SLC26A11: variants seen among roughly 807,000 people sequenced by gnomAD.
SLC26A11 encodes the protein solute carrier family 26 member 11, also known as sodium-independent sulfate anion transporter.
A neutral mutation model predicts 62.2 loss-of-function variants in SLC26A11; 58 were observed. That is an observed-to-expected ratio of 0.93 (90% CI 0.76 to 1.16). SLC26A11 has a LOEUF of 1.16. Among genes scored for constraint, SLC26A11 ranks in the 50% most tolerant of loss-of-function variants. The pLI is 0.00. For missense variants in SLC26A11, 790 were observed against 794.3 expected (o/e 0.99, Z 0.06); for synonymous variants, 411 against 368.9 (o/e 1.11, Z -1.31).
chr17:80,241,770 G>A lies in SLC26A11; in HGVS notation c.986-1G>A. ...AGGTCTTTACCGTTGGTTCCCTTTA[G>A]CATCTCAGAATAATTACCGCATCGA... On this transcript the variant is annotated splice_acceptor_variant, in intron 9 of 17. Transcript: ENST00000361193. LOFTEE classifies it high-confidence loss of function. 6.2e-7 allele frequency: 1 copy of A among 1,614,160 alleles called. No homozygotes were observed. Among genetic ancestry groups the A allele is most frequent in the Non-Finnish European group, 8.5e-7 (1 of 1,180,008 alleles).
At chr17:80,233,801 A>G (rs1484819446) in intron 7 of SLC26A11, among the ~76,000 whole-genome samples, 5 of 72,270 alleles carry the variant, frequency 6.9e-5, no homozygotes, top group Non-Finnish European at 1.2e-4. Context: ...CTGGTCTCTT[A>G]CTCCTGGGCT....
In SLC26A11 at chr17:80,238,820, G is replaced by GTTTTTTTTTTTTTTT. The variant is rs1366044421; in HGVS notation, c.985+1232_985+1233insTTTTTTTTTTTTTTT. 9.2e-5 allele frequency among the ~76,000 whole-genome samples: 8 copies of GTTTTTTTTTTTTTTT among 87,390 alleles called. 2 individuals carry two copies. Among genetic ancestry groups the GTTTTTTTTTTTTTTT allele is most frequent in the African/African-American group, 2.6e-4 (6 of 23,044 alleles). 57.3% of individuals were successfully genotyped at this position (87,390 alleles called of 152,430 possible). A position where few individuals can be genotyped will look rare whatever the true frequency, so the allele number is the denominator to read the frequency against. On this transcript the variant is annotated intron_variant, in intron 9 of 17. Transcript: ENST00000361193. Reference sequence around the variant, plus strand: ...TACCCCCTTCAAAGGAGTTTTTTTTGTTTTTTGTTTTTTTTTTTTTTTGGA... The same window carrying GTTTTTTTTTTTTTTT: ...TACCCCCTTCAAAGGAGTTTTTTTTGTTTTTTTTTTTTTTTTTTTTTGTTTTTTTTTTTTTTTGGA...
chr17:80,223,582 A>G lies in SLC26A11; in HGVS notation c.513+245A>G, dbSNP rs1041721441. 3.9e-5 allele frequency among the ~76,000 whole-genome samples: 6 copies of G among 152,152 alleles called. No homozygotes were observed. Among genetic ancestry groups the G allele is most frequent in the Non-Finnish European group, 7.4e-5 (5 of 68,010 alleles). The stretch of plus-strand genomic sequence containing the variant: ...ACAGCGGGTAACTTGGGGGCCGGTA[A>G]TTCCATCCCCCTGCTCTTGCCCGAG... On this transcript the variant is annotated intron_variant, in intron 5 of 17. Coordinates refer to ENST00000361193, the MANE Select transcript of SLC26A11 (RefSeq NM_001166347.2). The surrounding 1 kb of genome is among the most constrained non-coding windows in gnomAD (Gnocchi z 4.6).
In SLC26A11 at chr17:80,223,946, C is replaced by A. The variant is rs2042294724; in HGVS notation, c.513+609C>A. Among the ~76,000 whole-genome samples, 1 of 152,190 alleles carries A rather than the reference C, an allele frequency of 6.6e-6. No individual in the cohort carries two copies. Among genetic ancestry groups the A allele is most frequent in the Admixed American group, 6.5e-5 (1 of 15,268 alleles). ...CCTTCTCCCAGCCATGGCCGCCCAG[C>A]ATTGGGCTGGTGCAGTAGGGGGGTG... On this transcript the variant is annotated intron_variant, in intron 5 of 17. Transcript: ENST00000361193. The surrounding 1 kb of genome is among the most constrained non-coding windows in gnomAD (Gnocchi z 4.6).
rs772149532 is a variant in SLC26A11, at chr17:80,228,049, C to A, written c.736+89C>A. Reference sequence around the variant, plus strand: ...CCTAGTCCCACCCTAGGGATTCTCACGTCATTGGTCTGGGTGTCACTTGAG... The same window carrying A: ...CCTAGTCCCACCCTAGGGATTCTCAAGTCATTGGTCTGGGTGTCACTTGAG... On this transcript the variant is annotated intron_variant, in intron 7 of 17. Coordinates refer to ENST00000361193, the MANE Select transcript of SLC26A11 (RefSeq NM_001166347.2). This position sits in a 1 kb window ranked among gnomAD's most constrained non-coding sequence, Gnocchi z 4.1. 277 of 1,224,356 alleles carry A rather than the reference C, an allele frequency of 2.3e-4. 1 individual carries two copies. The highest frequency in any genetic ancestry group is 1.9e-3 in the Middle Eastern group (10 of 5,182). The allele number at this position is 1,224,356 out of a possible 1,614,324, so 75.8% of individuals were successfully genotyped here.
intron 5 of SLC26A11, among the ~76,000 whole-genome samples, chr17:80,224,783 G>A (rs1489707047): frequency 6.6e-6 from 1 of 152,100 alleles, no homozygotes; most frequent in African/African-American, 2.4e-5. Flanking sequence ...GTGGAGAGTG[G>A]AAGGCATCCC....
chr17:80,248,789 G>A, intron 15 of SLC26A11, 115 bp downstream of exon 15: 1 of 1,064,308 alleles, frequency 9.4e-7, no homozygotes, highest in South Asian at 1.5e-5. Context: ...CCACAAGGAT[G>A]CAGGCATCTC....
chr17:80,235,245 A>G (rs944332523), intron 7 of SLC26A11, among the ~76,000 whole-genome samples: 3 of 152,052 alleles, frequency 2.0e-5, no homozygotes, highest in Admixed American at 6.6e-5. Flanking sequence ...ATTTGGTTAC[A>G]GTTATTCTTT....
At chr17:80,248,465 C>A in intron 14 of SLC26A11, 110 bp from the exon 15 acceptor site, 3 of 1,311,252 alleles carry the variant, frequency 2.3e-6, no homozygotes, top group South Asian at 1.4e-5. Context: ...ACCCCTCTCC[C>A]GGTCCCCTGC....
At chr17:80,232,432 T>G (rs963334088) in intron 7 of SLC26A11, among the ~76,000 whole-genome samples, 2 of 152,184 alleles carry the variant, frequency 1.3e-5, no homozygotes, top group Non-Finnish European at 2.9e-5. Flanking sequence ...TTTTTGTGTT[T>G]TTAGTAGCAA....
intron 16 of SLC26A11, 152 bp downstream of exon 16, chr17:80,249,439 T>C (rs6565661): frequency 0.81 from 904,881 of 1,117,770 alleles, 368,552 homozygotes; most frequent in East Asian, 0.99. Flanking sequence ...CAGTTCTTGT[T>C]CCCATCTGGC....
In SLC26A11 at chr17:80,252,718, G is replaced by C; in HGVS notation, c.*2G>C. 1 of 1,612,870 alleles carries C rather than the reference G, an allele frequency of 6.2e-7. No individual in the cohort carries two copies. The highest frequency in any genetic ancestry group is 8.5e-7 in the Non-Finnish European group (1 of 1,179,536). ...AAGGTTGCCCTGCTCAAGGCATAATGGGGCCACCCGTGGGCATCCACAGTT... is the reference window on the plus strand; with the variant it reads ...AAGGTTGCCCTGCTCAAGGCATAATCGGGCCACCCGTGGGCATCCACAGTT... On this transcript the variant is annotated 3_prime_UTR_variant, in exon 18 of 18. Transcript: ENST00000361193. The surrounding 1 kb of genome is among the most constrained non-coding windows in gnomAD (Gnocchi z 5.2).
At chr17:80,244,711 A>C (rs2042950131) in intron 10 of SLC26A11, among the ~76,000 whole-genome samples, 2 of 151,962 alleles carry the variant, frequency 1.3e-5, no homozygotes, top group African/African-American at 2.4e-5. Context: ...GTGTGGTGGC[A>C]CATGCCTGTA....
At chr17:80,240,296 G>A (rs1277110995) in intron 9 of SLC26A11, among the ~76,000 whole-genome samples, 1 of 152,118 alleles carries the variant, frequency 6.6e-6, no homozygotes, top group Non-Finnish European at 1.5e-5. Context: ...GAACCCGGGA[G>A]GCGGAGCTTG....
intron 10 of SLC26A11, 54 bp from the exon 11 acceptor site, chr17:80,245,142 C>A (rs2042960704): frequency 1.3e-6 from 2 of 1,557,106 alleles, no homozygotes; most frequent in Admixed American, 3.3e-5. Flanking sequence ...ATCTCCTTTC[C>A]CTCCATCCTG....
chr17:80,236,392 C>T, intron 7 of SLC26A11, among the ~76,000 whole-genome samples: 1 of 152,210 alleles, frequency 6.6e-6, no homozygotes, highest in East Asian at 1.9e-4. Context: ...AGGGAAACCC[C>T]TGGGCTCTGC....
rs747965657 is a variant in SLC26A11, at chr17:80,246,471, T to C, written c.1154-38T>C. On this transcript the variant is annotated intron_variant, in intron 12 of 17. Transcript: ENST00000361193. This position sits in a 1 kb window ranked among gnomAD's most constrained non-coding sequence, Gnocchi z 4.4. ...GCTACGCTGCGTGCTGGGGGGACCC[T>C]GCACTCCCGAGGTCACCTGTGTTCC... is the stretch of plus-strand genomic sequence containing the variant. 6.2e-7 allele frequency: 1 copy of C among 1,603,620 alleles called. No homozygotes were observed. The highest frequency in any genetic ancestry group is 1.3e-5 in the African/African-American group (1 of 75,022).
intron 7 of SLC26A11, among the ~76,000 whole-genome samples, chr17:80,234,859 T>C (rs979798219): frequency 6.6e-6 from 1 of 151,890 alleles, no homozygotes; most frequent in African/African-American, 2.4e-5. Context: ...TTTCTTTTTT[T>C]TTTTTTTTAA....
chr17:80,238,355 CT>C (rs538394866), intron 9 of SLC26A11, among the ~76,000 whole-genome samples: 1 of 152,118 alleles, frequency 6.6e-6, no homozygotes, highest in Non-Finnish European at 1.5e-5. Flanking sequence ...CCTGTATTAT[CT>C]GTTTAATTGA....
Sources: allele counts gnomAD v4.1 joint callset (sites outside exome capture counted in the v4.1 genomes callset), GRCh38; gene constraint gnomAD v4.1.1; non-coding constraint Gnocchi (gnomAD v3.1); transcripts MANE v1.5; gene names NCBI Gene and HGNC (gene_info 2026-07-23, HGNC 2026-07-21).